Variants in DIAPH2 observed in about 807,000 individuals in gnomAD.
DIAPH2 encodes the protein diaphanous related formin 2, also known as protein diaphanous homolog 2.
In DIAPH2, 35 loss-of-function variants were observed where a neutral mutation model predicts 92.7. The observed-to-expected ratio is 0.38, with a 90% CI of 0.29 to 0.50. The LOEUF is 0.50. Ranked by LOEUF, DIAPH2 falls within the 20% of genes least tolerant of loss-of-function variation. The pLI, the probability that DIAPH2 is intolerant of heterozygous loss-of-function variation, is 0.94. For missense variants in DIAPH2, 701 were observed against 819.5 expected (o/e 0.86, Z 1.77); for synonymous variants, 301 against 280.4 (o/e 1.07, Z -0.73).
At chrX:97,409,987 A>G (rs1050363583) in intron 25 of DIAPH2, among the ~76,000 whole-genome samples, 1 of 112,613 alleles carries the variant, frequency 8.9e-6, no homozygotes, top group Non-Finnish European at 1.9e-5. Context: ...GCAGACTTAA[A>G]CATCCCTGTC....
chrX:97,572,150 G>A (rs1439896919), intron 26 of DIAPH2, among the ~76,000 whole-genome samples: 1 of 107,979 alleles, frequency 9.3e-6, no homozygotes, highest in African/African-American at 3.4e-5. Context: ...ACATAAACAC[G>A]TTCATTGCAG....
At chrX:97,270,501 C>A (rs1418676260) in intron 23 of DIAPH2, among the ~76,000 whole-genome samples, 1 of 111,862 alleles carries the variant, frequency 8.9e-6, no homozygotes, top group Admixed American at 9.5e-5. Context: ...GAGGTGGCAG[C>A]CTTAACAAGG....
intron 4 of DIAPH2, among the ~76,000 whole-genome samples, chrX:96,792,179 A>G (rs1397915930): frequency 8.9e-6 from 1 of 112,125 alleles, no homozygotes; most frequent in Non-Finnish European, 1.9e-5. Context: ...AAATTGTGAA[A>G]CAGAATGTTG....
chrX:97,046,087 C>G (rs1458220473), intron 17 of DIAPH2, among the ~76,000 whole-genome samples: 1 of 107,649 alleles, frequency 9.3e-6, no homozygotes, highest in Non-Finnish European at 1.9e-5. Context: ...GAACTCCTGA[C>G]CTCAGTTGAT....
intron 18 of DIAPH2, among the ~76,000 whole-genome samples, chrX:97,074,355 G>A (rs1244202347): frequency 9.0e-6 from 1 of 111,343 alleles, no homozygotes; most frequent in African/African-American, 3.3e-5. Context: ...GCAGTGAGCC[G>A]AGATCGCACC....
At chrX:97,042,885 T>G (rs2066456835) in intron 17 of DIAPH2, among the ~76,000 whole-genome samples, 1 of 112,058 alleles carries the variant, frequency 8.9e-6, no homozygotes, top group Non-Finnish European at 1.9e-5. Context: ...TACTTTTATT[T>G]TTTAAGCAAC....
At chrX:96,932,489 C>G in intron 10 of DIAPH2, among the ~76,000 whole-genome samples, 1 of 110,585 alleles carries the variant, frequency 9.0e-6, no homozygotes, top group South Asian at 3.9e-4. Context: ...GCTCAGTGGC[C>G]TCATGTTATT....
At chrX:97,404,157 A>C (rs960851841) in intron 25 of DIAPH2, among the ~76,000 whole-genome samples, 2 of 111,955 alleles carry the variant, frequency 1.8e-5, no homozygotes, top group Non-Finnish European at 3.8e-5. Context: ...CTGGCCTCAG[A>C]TAATCCCTAT....
chrX:97,597,048 AATG>A (rs1364028223), intron 26 of DIAPH2, among the ~76,000 whole-genome samples: 1 of 112,294 alleles, frequency 8.9e-6, no homozygotes, highest in Non-Finnish European at 1.9e-5. Flanking sequence ...TATTGTTTCT[AATG>A]ATATTTTTTT....
chrX:97,378,397 AT>A (rs2069521831), intron 24 of DIAPH2, among the ~76,000 whole-genome samples: 3 of 109,775 alleles, frequency 2.7e-5, no homozygotes, highest in African/African-American at 9.9e-5. Context: ...AAAAAAAAAA[AT>A]TAGCTGGGCT....
At chrX:97,415,128 A>T (rs931206846) in intron 25 of DIAPH2, among the ~76,000 whole-genome samples, 16 of 112,533 alleles carry the variant, frequency 1.4e-4, no homozygotes, top group African/African-American at 5.2e-4. Context: ...GCCATCAGAG[A>T]AATGCAAATC....
chrX:96,874,780 G>C (rs1437555745), intron 4 of DIAPH2, among the ~76,000 whole-genome samples: 1 of 111,686 alleles, frequency 9.0e-6, no homozygotes, highest in East Asian at 2.8e-4. Flanking sequence ...GAATATTTGA[G>C]TAATTATTTG....
chrX:97,071,021 A>G (rs1382519935), intron 17 of DIAPH2, among the ~76,000 whole-genome samples: 2 of 111,703 alleles, frequency 1.8e-5, no homozygotes, highest in Admixed American at 1.9e-4. Context: ...GTACTTGGCT[A>G]ATTAGTCTCC....
chrX:97,416,379 GAC>G (rs1400128947), intron 25 of DIAPH2, among the ~76,000 whole-genome samples: 1 of 112,103 alleles, frequency 8.9e-6, no homozygotes, highest in Non-Finnish European at 1.9e-5. Flanking sequence ...TTGACCCAAA[GAC>G]AGCCTACTTT....
intron 1 of DIAPH2, among the ~76,000 whole-genome samples, chrX:96,705,880 A>G (rs1489727772): frequency 8.9e-6 from 1 of 111,960 alleles, no homozygotes; most frequent in East Asian, 2.8e-4. Context: ...GGCCCTGGGA[A>G]TCTGCATTAA....
At chrX:97,206,608 G>A (rs2067798449) in intron 22 of DIAPH2, among the ~76,000 whole-genome samples, 1 of 111,812 alleles carries the variant, frequency 8.9e-6, no homozygotes, top group Admixed American at 9.5e-5. Flanking sequence ...CATATAATCA[G>A]ATGATCAATT....
At chrX:97,222,902 G>A (rs2067937270) in intron 22 of DIAPH2, among the ~76,000 whole-genome samples, 1 of 111,497 alleles carries the variant, frequency 9.0e-6, no homozygotes, top group Non-Finnish European at 1.9e-5. Flanking sequence ...ACTCACTGCA[G>A]CCTCAACATG....
chrX:96,924,220 A>G (rs1459670574), intron 9 of DIAPH2, among the ~76,000 whole-genome samples: 2 of 112,124 alleles, frequency 1.8e-5, no homozygotes, highest in Non-Finnish European at 3.8e-5. Context: ...TAAAGTGTTG[A>G]ATGACTGCTT....
chrX:97,556,820 C>T (rs1324715692), intron 26 of DIAPH2, among the ~76,000 whole-genome samples: 1 of 111,747 alleles, frequency 8.9e-6, no homozygotes, highest in African/African-American at 3.3e-5. Flanking sequence ...ATGAATAATA[C>T]GCGGTCTCTG....
Sources: gnomAD v4.1 joint callset for allele counts (sites outside exome capture counted in the v4.1 genomes callset) on GRCh38, gnomAD v4.1.1 for gene constraint, MANE v1.5 for transcripts, NCBI Gene and HGNC (gene_info 2026-07-23, HGNC 2026-07-21) for gene names.